The following PML variants were observed in gnomAD, a reference collection of about 807,000 sequenced individuals.
PML encodes the protein protein PML.
Under a neutral mutation model 65.2 loss-of-function variants are expected in PML, and 28 were observed. That is an observed-to-expected ratio of 0.43 (90% confidence interval 0.32 to 0.59). PML has a LOEUF of 0.59. PML is among the 20% of genes least tolerant of loss of function. The probability of loss-of-function intolerance (pLI) is 0.08; values close to 1 mark genes in which losing one functional copy is unlikely to be tolerated. For missense variants in PML, 1,021 were observed against 1,203.4 expected (o/e 0.85, Z 2.24); for synonymous variants, 500 against 508.8 (o/e 0.98, Z 0.23).
Position 74,044,408 on chromosome 15 carries a change from C to T in PML, c.2049C>T (p.Gly683=). ...ILACYKLWGP[G]LPNFFRALED... is the part of the protein sequence containing the mutation. ...CCTGCTACAAGCTGTGGGGGCCTGG[C>T]CTCCCAAACTTCTTCCGGGCCCTGG... Residue 683 remains glycine, a synonymous_variant, in exon 9 of 9, where the codon GGC becomes GGT. Transcript: ENST00000268058. 1.2e-6 allele frequency: 2 copies of T among 1,614,180 alleles called. No individual in the cohort carries two copies. The highest frequency in any genetic ancestry group is 1.1e-5 in the South Asian group (1 of 91,082).
At chr15:74,008,596 G>A (rs1273669769) in intron 2 of PML, among the ~76,000 whole-genome samples, 9 of 152,202 alleles carry the variant, frequency 5.9e-5, no homozygotes, top group South Asian at 2.1e-4. Flanking sequence ...AAAATTAGCC[G>A]GGCGTGGTGG....
rs1476495590 is a variant in PML at position 74,037,659 on chromosome 15, GTTA to G, written c.1710+3135_1710+3137del. On this transcript the variant is annotated intron_variant, in intron 7 of 8. Coordinates refer to ENST00000268058, the MANE Select transcript of PML (RefSeq NM_033238.3). The surrounding 1 kb of genome is among the most constrained non-coding windows in gnomAD (Gnocchi z 4.2). ...TCTAGGTGCAGTGTCGCGTTTAGTCGTTATTATTCTTGACCGGCGCTGGGCCCG... is the reference window on the plus strand; with the variant it reads ...TCTAGGTGCAGTGTCGCGTTTAGTCGTTATTCTTGACCGGCGCTGGGCCCG... 6.1e-6 allele frequency: 6 copies of G among 985,206 alleles called. No individual in the cohort carries two copies. In the African/African-American group the frequency reaches 1.0e-4, roughly 17 times the overall value. The allele number at this position is 985,206 out of a possible 1,614,324, so 61.0% of individuals were successfully genotyped here. A position where few individuals can be genotyped will look rare whatever the true frequency, so the allele number is the denominator to read the frequency against.
chr15:74,041,757 G>T (rs1356866167), intron 7 of PML, among the ~76,000 whole-genome samples: 1 of 152,204 alleles, frequency 6.6e-6, no homozygotes, highest in Non-Finnish European at 1.5e-5. Flanking sequence ...CTTGGGCATT[G>T]GAAGGGTCTG....
chr15:74,035,869 C>T lies in PML; in HGVS notation c.1710+1339C>T. 6.2e-7 allele frequency: 1 copy of T among 1,613,802 alleles called. No homozygotes were observed. ...CAAGTCCAAGTGCCTCTGGAAGCCT[C>T]TCCAATTACATTCCCACCACCCTGT... On this transcript the variant is annotated intron_variant, in intron 7 of 8. Coordinates refer to ENST00000268058, the MANE Select transcript of PML (RefSeq NM_033238.3). This position sits in a 1 kb window ranked among gnomAD's most constrained non-coding sequence, Gnocchi z 4.1.
intron 2 of PML, among the ~76,000 whole-genome samples, chr15:74,013,705 T>G (rs1025345542): frequency 6.6e-6 from 1 of 152,230 alleles, no homozygotes; most frequent in Non-Finnish European, 1.5e-5. Flanking sequence ...ACTCATCAAA[T>G]TATCTTTTCT....
rs2071769677 is a variant in PML at position 74,046,227 on chromosome 15, A to G, written c.*1219A>G. On this transcript the variant is annotated 3_prime_UTR_variant, in exon 9 of 9. Transcript: ENST00000268058. ...TTCTCATCCTTGAATTCTAGCTCCC[A>G]TTCCAAACTGTTAGTCCCCAACCTT... is the stretch of plus-strand genomic sequence containing the variant. 4.3e-6 allele frequency: 1 copy of G among 233,128 alleles called. No homozygotes were observed. The highest frequency in any genetic ancestry group is 5.6e-5 in the Admixed American group (1 of 17,790). The allele number at this position is 233,128 out of a possible 1,614,324, so 14.4% of individuals were successfully genotyped here.
At position 74,034,539 on chromosome 15, in the gene PML, C is replaced by T; in HGVS notation, c.1710+9C>T. 6.2e-7 allele frequency: 1 copy of T among 1,614,174 alleles called. No individual in the cohort carries two copies. Among genetic ancestry groups the T allele is most frequent in the South Asian group, 1.1e-5 (1 of 91,076 alleles). On this transcript the variant is annotated intron_variant, in intron 7 of 8. Coordinates refer to ENST00000268058, the MANE Select transcript of PML (RefSeq NM_033238.3). Reference sequence around the variant, plus strand: ...CAGATGCCGAAAACTCGGTGAGTGGCCCAGAAGTTCAGCCCAGGACTCCTG... The same window carrying T: ...CAGATGCCGAAAACTCGGTGAGTGGTCCAGAAGTTCAGCCCAGGACTCCTG...
Position 74,045,164 on chromosome 15 carries a change from C to T in PML, c.*156C>T, listed in dbSNP as rs1024701319. The T allele has an allele frequency of 5.8e-6, 4 of 695,534 alleles. No individual in the cohort carries two copies. The highest frequency in any genetic ancestry group is 9.4e-6 in the Non-Finnish European group (4 of 424,520). The allele number at this position is 695,534 out of a possible 1,614,324, so 43.1% of individuals were successfully genotyped here. ...TTCCCTTTCTCTGGGACCAAATTTC[C>T]CTTCTCTAAACATCCTACAGAGAAG... is the stretch of plus-strand genomic sequence containing the variant. On this transcript the variant is annotated 3_prime_UTR_variant, in exon 9 of 9. Coordinates refer to ENST00000268058, the MANE Select transcript of PML (RefSeq NM_033238.3).
chr15:74,024,785 C>G (rs1595903950), intron 3 of PML, 72 bp from the exon 4 acceptor site: 1 of 1,089,114 alleles, frequency 9.2e-7, no homozygotes. Flanking sequence ...TCCTCTCTAT[C>G]ACTGTCCCAG....
chr15:74,022,762 T>C (rs2070896791), intron 2 of PML, 66 bp from the exon 3 acceptor site: 2 of 1,269,452 alleles, frequency 1.6e-6, no homozygotes. Flanking sequence ...AGGAATTTAA[T>C]AACGAACGTT....
chr15:74,026,386 G>C (rs1337862667), intron 4 of PML: 2 of 152,126 alleles, frequency 1.3e-5, no homozygotes, highest in African/African-American at 4.8e-5. Flanking sequence ...TGGCCAGGCT[G>C]GTCTTGAACT....
intron 2 of PML, among the ~76,000 whole-genome samples, chr15:73,998,704 G>T (rs181946098): frequency 1.6e-4 from 25 of 152,342 alleles, no homozygotes; most frequent in Middle Eastern, 3.4e-3. Context: ...AATAAATAAT[G>T]CTGCAGAATC....
In PML at chr15:74,037,905, C is replaced by T. The variant is rs774955600; in HGVS notation, c.1710+3375C>T. ...ATACCCAACACTCGCACCTGCCTGC[C>T]AGACCAGCATGGCCAGTGACCTTCC... On this transcript the variant is annotated intron_variant, in intron 7 of 8. Coordinates refer to ENST00000268058, the MANE Select transcript of PML (RefSeq NM_033238.3). This position sits in a 1 kb window ranked among gnomAD's most constrained non-coding sequence, Gnocchi z 4.2. Among the ~76,000 whole-genome samples the T allele has an allele frequency of 6.6e-6, 1 of 152,172 alleles. No individual in the cohort carries two copies. The highest frequency in any genetic ancestry group is 1.5e-5 in the Non-Finnish European group (1 of 68,030).
At chr15:74,040,520 G>A (rs1488642740) in intron 7 of PML, among the ~76,000 whole-genome samples, 3 of 152,238 alleles carry the variant, frequency 2.0e-5, no homozygotes, top group Admixed American at 1.3e-4. Context: ...TAGTGAGCAG[G>A]GAGGGGAGTA....
intron 6 of PML, chr15:74,034,218 C>T (rs986208771): frequency 4.5e-5 from 25 of 549,610 alleles, no homozygotes; most frequent in African/African-American, 4.3e-4. Flanking sequence ...GGGGCAAATT[C>T]TGAATTCTGG....
chr15:74,021,989 C>T (rs919774852), intron 2 of PML, among the ~76,000 whole-genome samples: 1 of 152,162 alleles, frequency 6.6e-6, no homozygotes, highest in East Asian at 1.9e-4. Flanking sequence ...CGGAGTTTTG[C>T]TCTTGTTGCC....
In PML at chr15:74,037,490, A is replaced by G; in HGVS notation, c.1710+2960A>G. On this transcript the variant is annotated intron_variant, in intron 7 of 8. Coordinates refer to ENST00000268058, the MANE Select transcript of PML (RefSeq NM_033238.3). The surrounding 1 kb of genome is among the most constrained non-coding windows in gnomAD (Gnocchi z 4.2). ...AAACACCCTGAATGAGGTCTTTCTCATCTCAGAAAACTCCACCCACTTCTC... is the reference window on the plus strand; with the variant it reads ...AAACACCCTGAATGAGGTCTTTCTCGTCTCAGAAAACTCCACCCACTTCTC... The G allele has an allele frequency of 1.0e-6, 1 of 985,166 alleles. No homozygotes were observed. The highest frequency in any genetic ancestry group is 1.2e-6 in the Non-Finnish European group (1 of 829,854). 61.0% of individuals were successfully genotyped at this position (985,166 alleles called of 1,614,324 possible). A position where few individuals can be genotyped will look rare whatever the true frequency, so the allele number is the denominator to read the frequency against.
chr15:74,036,788 C>T (rs1267115704), intron 7 of PML, among the ~76,000 whole-genome samples: 1 of 152,204 alleles, frequency 6.6e-6, no homozygotes, highest in East Asian at 1.9e-4. Flanking sequence ...ACTCCTTAAC[C>T]TCTCAGGGGT....
chr15:74,011,826 G>T (rs1046077645), intron 2 of PML, among the ~76,000 whole-genome samples: 1 of 152,212 alleles, frequency 6.6e-6, no homozygotes, highest in African/African-American at 2.4e-5. Flanking sequence ...TTCCCAAAAG[G>T]GAGAGCTTGC....
Sources: allele counts gnomAD v4.1 joint callset (sites outside exome capture counted in the v4.1 genomes callset), GRCh38; gene constraint gnomAD v4.1.1; non-coding constraint Gnocchi (gnomAD v3.1); transcripts MANE v1.5; gene names NCBI Gene and HGNC (gene_info 2026-07-23, HGNC 2026-07-21).